KCNH8: variants seen among roughly 807,000 people sequenced by gnomAD.
KCNH8 encodes voltage-gated delayed rectifier potassium channel KCNH8.
A neutral mutation model predicts 103.6 loss-of-function variants in KCNH8; 70 were observed. The observed-to-expected ratio is 0.68, with a 90% CI of 0.56 to 0.82. The LOEUF (loss-of-function observed/expected upper bound fraction) is 0.82, where lower values mean the gene tolerates loss of function less well. KCNH8 is among the 40% of genes least tolerant of loss of function. The pLI is 0.00. For synonymous variants in KCNH8, 498 were observed against 489.4 expected, an observed-to-expected ratio of 1.02 and a Z score of -0.23; for missense variants, 1,217 against 1,329.9, an observed-to-expected ratio of 0.92 and a Z score of 1.32.
At chr3:19,462,268 A>C (rs1485282288) in intron 11 of KCNH8, among the ~76,000 whole-genome samples, 1 of 152,196 alleles carries the variant, frequency 6.6e-6, no homozygotes, top group East Asian at 1.9e-4. Context: ...ACAGTGTAAA[A>C]GTGTTCCTAT....
In KCNH8 at chr3:19,170,588, A is replaced by C. The variant is rs184105711; in HGVS notation, c.76+21793A>C. Among the ~76,000 whole-genome samples, 797 of 139,210 alleles carry C rather than the reference A, an allele frequency of 5.7e-3. 7 individuals are homozygous for C. Among genetic ancestry groups the C allele is most frequent in the African/African-American group, 9.7e-3 (328 of 33,878 alleles). The allele number at this position is 139,210 out of a possible 152,430, so 91.3% of individuals were successfully genotyped here. A position where few individuals can be genotyped will look rare whatever the true frequency, so the allele number is the denominator to read the frequency against. Reference sequence around the variant, plus strand: ...GTGCCCCACTTCTTGGGGCATCTATATATATATATATATATATATATGTAT... The same window carrying C: ...GTGCCCCACTTCTTGGGGCATCTATCTATATATATATATATATATATGTAT... On this transcript the variant is annotated intron_variant, in intron 1 of 15. Coordinates refer to ENST00000328405, the MANE Select transcript of KCNH8 (RefSeq NM_144633.3).
At chr3:19,410,466 A>T (rs1300954736) in intron 7 of KCNH8, among the ~76,000 whole-genome samples, 1 of 152,160 alleles carries the variant, frequency 6.6e-6, no homozygotes, top group Non-Finnish European at 1.5e-5. Flanking sequence ...TAACAATCTA[A>T]CCTAACATCT....
At chr3:19,489,641 T>A (rs894572572) in intron 11 of KCNH8, among the ~76,000 whole-genome samples, 6 of 152,132 alleles carry the variant, frequency 3.9e-5, no homozygotes, top group Non-Finnish European at 8.8e-5. Flanking sequence ...TTGAAATTTT[T>A]CAACATAGTT....
At chr3:19,437,304 A>T (rs943936830) in intron 7 of KCNH8, among the ~76,000 whole-genome samples, 1 of 152,160 alleles carries the variant, frequency 6.6e-6, no homozygotes, top group Non-Finnish European at 1.5e-5. Flanking sequence ...AAGAATTTTA[A>T]AGTGATTTTT....
At chr3:19,230,037 T>A (rs953026785) in intron 1 of KCNH8, among the ~76,000 whole-genome samples, 1 of 152,136 alleles carries the variant, frequency 6.6e-6, no homozygotes, top group Non-Finnish European at 1.5e-5. Context: ...GGTGAAAGGC[T>A]CTTCTTACAT....
chr3:19,440,882 C>G (rs2067273574), intron 8 of KCNH8, among the ~76,000 whole-genome samples: 1 of 152,104 alleles, frequency 6.6e-6, no homozygotes, highest in South Asian at 2.1e-4. Context: ...AACAAACAGA[C>G]AATTTATTAT....
At chr3:19,386,836 G>T (rs1302140309) in intron 5 of KCNH8, among the ~76,000 whole-genome samples, 5 of 152,092 alleles carry the variant, frequency 3.3e-5, no homozygotes, top group African/African-American at 1.2e-4. Context: ...TTTAAAGGGA[G>T]TGGGACAGCT....
intron 11 of KCNH8, among the ~76,000 whole-genome samples, chr3:19,471,412 G>C (rs1425953897): frequency 6.6e-6 from 1 of 152,152 alleles, no homozygotes; most frequent in South Asian, 2.1e-4. Context: ...CTACATTCTG[G>C]ATAGTTGTTT....
intron 11 of KCNH8, among the ~76,000 whole-genome samples, chr3:19,475,829 A>C (rs1458786855): frequency 2.0e-5 from 3 of 152,190 alleles, no homozygotes; most frequent in Non-Finnish European, 2.9e-5. Context: ...ATGTCAAATC[A>C]GATGTGTTTC....
intron 4 of KCNH8, among the ~76,000 whole-genome samples, chr3:19,344,511 GT>G (rs1481664187): frequency 6.6e-6 from 1 of 151,992 alleles, no homozygotes; most frequent in African/African-American, 2.4e-5. Flanking sequence ...ATAATACATA[GT>G]AATTTAAGAT....
intron 7 of KCNH8, among the ~76,000 whole-genome samples, chr3:19,429,925 A>C (rs2067094922): frequency 6.6e-6 from 1 of 152,164 alleles, no homozygotes; most frequent in Non-Finnish European, 1.5e-5. Flanking sequence ...ATAGTATTTA[A>C]TGGTGTATAT....
chr3:19,481,209 T>G (rs1048356959), intron 11 of KCNH8, among the ~76,000 whole-genome samples: 2 of 152,166 alleles, frequency 1.3e-5, no homozygotes, highest in African/African-American at 4.8e-5. Context: ...AAGTTTAATT[T>G]TGTTACATAG....
intron 11 of KCNH8, among the ~76,000 whole-genome samples, chr3:19,459,744 G>A (rs1296929547): frequency 6.6e-6 from 1 of 151,940 alleles, no homozygotes; most frequent in Non-Finnish European, 1.5e-5. Flanking sequence ...TTACATTTAA[G>A]TCTTTATTCA....
At chr3:19,499,108 G>C (rs1053621224) in intron 11 of KCNH8, among the ~76,000 whole-genome samples, 1 of 152,210 alleles carries the variant, frequency 6.6e-6, no homozygotes, top group African/African-American at 2.4e-5. Flanking sequence ...AGCTGATGGA[G>C]CTGAAAACCA....
intron 1 of KCNH8, among the ~76,000 whole-genome samples, chr3:19,204,627 A>G (rs981013917): frequency 2.6e-5 from 4 of 152,100 alleles, no homozygotes; most frequent in South Asian, 4.1e-4. Flanking sequence ...GGGAAGCATA[A>G]TGTATTGTAA....
At chr3:19,370,545 T>C (rs1461833500) in intron 5 of KCNH8, among the ~76,000 whole-genome samples, 2 of 152,100 alleles carry the variant, frequency 1.3e-5, no homozygotes, top group African/African-American at 2.4e-5. Context: ...TGACATTTTA[T>C]CATATATTAT....
At chr3:19,472,592 G>A (rs1038308869) in intron 11 of KCNH8, among the ~76,000 whole-genome samples, 12 of 152,058 alleles carry the variant, frequency 7.9e-5, no homozygotes, top group Non-Finnish European at 1.5e-4. Flanking sequence ...CAGCCATGTG[G>A]GACTGTAAGT....
chr3:19,414,171 A>G (rs533846535), intron 7 of KCNH8, among the ~76,000 whole-genome samples: 30 of 152,220 alleles, frequency 2.0e-4, no homozygotes, highest in South Asian at 1.7e-3. Flanking sequence ...TCACTCTGCT[A>G]GGCCCAGTAG....
chr3:19,189,370 A>G (rs1187406639), intron 1 of KCNH8, among the ~76,000 whole-genome samples: 1 of 152,056 alleles, frequency 6.6e-6, no homozygotes, highest in African/African-American at 2.4e-5. Flanking sequence ...TTAAAAGTCA[A>G]GTAACATTGA....
Sources: allele counts gnomAD v4.1 joint callset (sites outside exome capture counted in the v4.1 genomes callset), GRCh38; gene constraint gnomAD v4.1.1; transcripts MANE v1.5; gene names NCBI Gene and HGNC (gene_info 2026-07-23, HGNC 2026-07-21).